The following CACNB2 variants were observed in gnomAD, a reference collection of about 807,000 sequenced individuals.
The protein encoded by CACNB2 is calcium voltage-gated channel auxiliary subunit beta 2, also known as voltage-dependent L-type calcium channel subunit beta-2.
Under a neutral mutation model 73.3 loss-of-function variants are expected in CACNB2, and 42 were observed. The ratio of observed to expected loss-of-function variants is 0.57; its 90% CI spans 0.45 to 0.74. The LOEUF is 0.74. CACNB2 is among the 30% of genes least tolerant of loss of function. The pLI is 0.00. For missense variants in CACNB2, 940 were observed against 853.0 expected (o/e 1.10, Z -1.27); for synonymous variants, 348 against 310.3 (o/e 1.12, Z -1.28).
chr10:18,259,254 A>C (rs1418237051), intron 2 of CACNB2, among the ~76,000 whole-genome samples: 1 of 152,084 alleles, frequency 6.6e-6, no homozygotes, highest in Non-Finnish European at 1.5e-5. Context: ...TAATAATATA[A>C]AAGTGTTGCT....
At chr10:18,249,643 C>G (rs1473199185) in intron 2 of CACNB2, among the ~76,000 whole-genome samples, 2 of 152,146 alleles carry the variant, frequency 1.3e-5, no homozygotes, top group Non-Finnish European at 2.9e-5. Flanking sequence ...CTTGACCTCA[C>G]CTCTAATGGG....
chr10:18,537,567 A>C lies in CACNB2; in HGVS notation c.1303-613A>C, dbSNP rs112436039. On this transcript the variant is annotated intron_variant, in intron 12 of 13. Coordinates refer to ENST00000324631, the MANE Select transcript of CACNB2 (RefSeq NM_201596.3). The stretch of plus-strand genomic sequence containing the variant: ...CGAGGCGGGTGAATCACTTGAGGCC[A>C]GGAGTTCAACACCAGCCTGGCCAAC... Among the ~76,000 whole-genome samples the C allele has an allele frequency of 2.5e-4, 38 of 152,094 alleles. 1 individual carries two copies. Among genetic ancestry groups the C allele is most frequent in the African/African-American group, 8.7e-4 (36 of 41,540 alleles).
At chr10:18,470,092 A>C (rs1404676446) in intron 3 of CACNB2, among the ~76,000 whole-genome samples, 1 of 151,882 alleles carries the variant, frequency 6.6e-6, no homozygotes, top group African/African-American at 2.4e-5. Context: ...TAGGAATTGA[A>C]TATATATTAT....
chr10:18,444,575 T>C (rs570436140), intron 3 of CACNB2, among the ~76,000 whole-genome samples: 2 of 152,292 alleles, frequency 1.3e-5, no homozygotes, highest in South Asian at 4.1e-4. Flanking sequence ...TGAAGTCACT[T>C]GTGCAACGTC....
At position 18,270,579 on chromosome 10, in the gene CACNB2, GC is replaced by G. The variant is rs373232333; in HGVS notation, c.213+119605del. Among the ~76,000 whole-genome samples, 532 of 152,284 alleles carry G rather than the reference GC, an allele frequency of 3.5e-3. 1 individual carries two copies. Among genetic ancestry groups the G allele is most frequent in the Middle Eastern group, 6.8e-3 (2 of 294 alleles). Reference sequence around the variant, plus strand: ...TGAGACACTTCTTGATCAAGCCACTGCTTGTCTCCTTAGCCTTAATTCTCAG... The same window carrying G: ...TGAGACACTTCTTGATCAAGCCACTGTTGTCTCCTTAGCCTTAATTCTCAG... On this transcript the variant is annotated intron_variant, in intron 2 of 13. Coordinates refer to ENST00000324631, the MANE Select transcript of CACNB2 (RefSeq NM_201596.3).
intron 2 of CACNB2, among the ~76,000 whole-genome samples, chr10:18,321,503 T>A (rs1360925398): frequency 6.6e-6 from 1 of 152,198 alleles, no homozygotes; most frequent in African/African-American, 2.4e-5. Context: ...AATAATAACT[T>A]AGTTGTACAT....
At chr10:18,199,350 T>C (rs1366007451) in intron 2 of CACNB2, among the ~76,000 whole-genome samples, 1 of 152,140 alleles carries the variant, frequency 6.6e-6, no homozygotes, top group African/African-American at 2.4e-5. Context: ...TAATGCCAAC[T>C]TCTAGGAAGA....
chr10:18,514,233 T>C lies in CACNB2; in HGVS notation c.671-3T>C, dbSNP rs1401712731. The C allele has an allele frequency of 3.1e-6, 5 of 1,614,062 alleles. No homozygotes were observed. Among genetic ancestry groups the C allele is most frequent in the Non-Finnish European group, 8.5e-7 (1 of 1,179,914 alleles). ...ACCTGATTTTTGAATTGTCTGTATA[T>C]AGCTATAGACATAGATGCTACTGGC... On this transcript the variant is annotated splice_polypyrimidine_tract_variant and splice_region_variant and intron_variant, in intron 6 of 13. Coordinates refer to ENST00000324631, the MANE Select transcript of CACNB2 (RefSeq NM_201596.3).
At chr10:18,418,433 CAT>C (rs1424893979) in intron 3 of CACNB2, among the ~76,000 whole-genome samples, 4 of 152,342 alleles carry the variant, frequency 2.6e-5, no homozygotes, top group African/African-American at 4.8e-5. Flanking sequence ...AGGATTAACA[CAT>C]GTTAAAGCAA....
Position 18,539,435 on chromosome 10 carries a change from C to G in CACNB2, c.1694C>G (p.Ser565Cys). Residue 565 changes from serine to cysteine, a missense_variant, in exon 14 of 14, where the codon TCT becomes TGT. Ser to Cys is a moderately radical substitution (Grantham distance 112). Coordinates refer to ENST00000324631, the MANE Select transcript of CACNB2 (RefSeq NM_201596.3). ...FDSETQESRD[S>C]AYVEPKEDYS... ...TCGGAAACCCAGGAGAGTCGAGACT[C>G]TGCCTACGTAGAGCCAAAGGAAGAT... The G allele has an allele frequency of 6.2e-7, 1 of 1,614,090 alleles. No individual in the cohort carries two copies. The highest frequency in any genetic ancestry group is 8.5e-7 in the Non-Finnish European group (1 of 1,180,010).
intron 2 of CACNB2, among the ~76,000 whole-genome samples, chr10:18,380,128 TAAA>T: frequency 6.6e-6 from 1 of 152,354 alleles, no homozygotes; most frequent in African/African-American, 2.4e-5. Context: ...TTTACATTCT[TAAA>T]AAGTTTTTTC....
rs553399934 is a variant in CACNB2 at position 18,231,621 on chromosome 10, G to A, written c.213+80646G>A. Among the ~76,000 whole-genome samples, 5 of 152,244 alleles carry A rather than the reference G, an allele frequency of 3.3e-5. No individual in the cohort carries two copies. The South Asian group carries it at 6.2e-4, about 19-fold the overall frequency. On this transcript the variant is annotated intron_variant, in intron 2 of 13. Transcript: ENST00000324631. ...AACCTTCACTGGCACATAAAATGGC[G>A]CCTTATAGAAACTTGACAGTACGGT...
chr10:18,430,357 C>T (rs377660189), intron 3 of CACNB2, among the ~76,000 whole-genome samples: 97 of 152,170 alleles, frequency 6.4e-4, no homozygotes, highest in Non-Finnish European at 1.1e-3. Context: ...TTATTTTTAT[C>T]CTCTTTAGTT....
At chr10:18,535,397 G>GCAAA (rs1564668248) in intron 11 of CACNB2, among the ~76,000 whole-genome samples, 1 of 152,106 alleles carries the variant, frequency 6.6e-6, no homozygotes, top group African/African-American at 2.4e-5. Flanking sequence ...GACTGTAGAA[G>GCAAA]CAAACAGGAG....
chr10:18,141,192 A>C (rs1307102327), intron 1 of CACNB2: 2 of 1,146,716 alleles, frequency 1.7e-6, no homozygotes, highest in South Asian at 2.6e-5. Context: ...GAATCAGGGG[A>C]GTGGACTGGA....
chr10:18,247,927 G>T (rs1314450800), intron 2 of CACNB2, among the ~76,000 whole-genome samples: 1 of 152,080 alleles, frequency 6.6e-6, no homozygotes, highest in Non-Finnish European at 1.5e-5. Flanking sequence ...TTCATAAATG[G>T]TACCTTCTTA....
chr10:18,340,822 T>C, intron 2 of CACNB2: 1 of 1,611,578 alleles, frequency 6.2e-7, no homozygotes, highest in Non-Finnish European at 8.5e-7. Context: ...GTTGCTATGC[T>C]GTTCAGCAAA....
intron 2 of CACNB2, among the ~76,000 whole-genome samples, chr10:18,287,273 G>A (rs900070920): frequency 2.6e-5 from 4 of 152,044 alleles, no homozygotes; most frequent in African/African-American, 9.7e-5. Context: ...AGGTTGCAGT[G>A]AGCTGAGATC....
intron 2 of CACNB2, chr10:18,400,795 A>G (rs2043954398): frequency 7.0e-7 from 1 of 1,418,830 alleles, no homozygotes; most frequent in East Asian, 2.6e-5. Flanking sequence ...TTTTTAAAGC[A>G]ATATAAAGCA....
Sources: allele counts gnomAD v4.1 joint callset (sites outside exome capture counted in the v4.1 genomes callset), GRCh38; gene constraint gnomAD v4.1.1; transcripts MANE v1.5; gene names NCBI Gene and HGNC (gene_info 2026-07-23, HGNC 2026-07-21).